AGPAT3: variants seen among roughly 807,000 people sequenced by gnomAD.
AGPAT3 encodes 1-acyl-sn-glycerol-3-phosphate acyltransferase gamma.
Under a neutral mutation model 47.3 loss-of-function variants are expected in AGPAT3, and 5 were observed. The observed-to-expected ratio is 0.11, with a 90% confidence interval of 0.06 to 0.22. The LOEUF is 0.22. Among genes scored for constraint, AGPAT3 ranks in the 10% least tolerant of loss-of-function variants. The pLI is 1.00. For missense variants in AGPAT3, 315 were observed against 493.0 expected, an observed-to-expected ratio of 0.64 and a Z score of 3.42; for synonymous variants, 212 against 208.3, an observed-to-expected ratio of 1.02 and a Z score of -0.15.
At chr21:43,913,190 G>A (rs1289518908) in intron 2 of AGPAT3, among the ~76,000 whole-genome samples, 1 of 152,166 alleles carries the variant, frequency 6.6e-6, no homozygotes, top group African/African-American at 2.4e-5. Flanking sequence ...TCATGTATGT[G>A]TTGACTTTTT....
chr21:43,917,184 C>G (rs779815698), intron 2 of AGPAT3, among the ~76,000 whole-genome samples: 5 of 151,734 alleles, frequency 3.3e-5, no homozygotes, highest in African/African-American at 4.8e-5. Context: ...CCCCGCCCCC[C>G]ACACACGTAC....
intron 2 of AGPAT3, among the ~76,000 whole-genome samples, chr21:43,918,159 G>GGGTGTT (rs1002038620): frequency 2.0e-5 from 3 of 147,824 alleles, no homozygotes; most frequent in African/African-American, 7.6e-5. Context: ...TGGGTGTTGT[G>GGGTGTT]GGAGTTGTGG....
At chr21:43,877,422 C>G (rs2085758302) in intron 1 of AGPAT3, among the ~76,000 whole-genome samples, 1 of 152,122 alleles carries the variant, frequency 6.6e-6, no homozygotes, top group African/African-American at 2.4e-5. Flanking sequence ...AAGGAAAAGA[C>G]TAGGAAGCAC....
At chr21:43,957,675 TC>T (rs1309518160) in intron 2 of AGPAT3, among the ~76,000 whole-genome samples, 1 of 140,448 alleles carries the variant, frequency 7.1e-6, no homozygotes, top group Non-Finnish European at 1.5e-5. Context: ...GTCTCGGGTT[TC>T]CCCCTCCACA....
intron 8 of AGPAT3, 82 bp downstream of exon 8, chr21:43,978,203 C>G: frequency 1.7e-6 from 2 of 1,180,016 alleles, no homozygotes; most frequent in Middle Eastern, 2.6e-4. Flanking sequence ...GCAGGTGACA[C>G]GTGGGAACTC....
Position 43,955,431 on chromosome 21 carries a change from G to A in AGPAT3, c.-48-4203G>A, listed in dbSNP as rs1490233408. On this transcript the variant is annotated intron_variant, in intron 2 of 9. Coordinates refer to ENST00000291572, the MANE Select transcript of AGPAT3 (RefSeq NM_020132.5). The surrounding 1 kb of genome is among the most constrained non-coding windows in gnomAD (Gnocchi z 4.1). ...CGTGTGTTATTTATTCCTGGATGAA[G>A]TTCTTTTCTTTTTTGAGATGGAGTT... is the stretch of plus-strand genomic sequence containing the variant. 6.6e-6 allele frequency among the ~76,000 whole-genome samples: 1 copy of A among 151,962 alleles called. No homozygotes were observed. Among genetic ancestry groups the A allele is most frequent in the Non-Finnish European group, 1.5e-5 (1 of 67,980 alleles).
intron 7 of AGPAT3, among the ~76,000 whole-genome samples, chr21:43,975,821 G>C (rs945646094): frequency 6.6e-6 from 1 of 152,270 alleles, no homozygotes; most frequent in East Asian, 1.9e-4. Context: ...GACAGTGCTC[G>C]GGGCAGCCCA....
chr21:43,926,665 T>TA (rs2087064729), intron 2 of AGPAT3, among the ~76,000 whole-genome samples: 1 of 65,898 alleles, frequency 1.5e-5, no homozygotes, highest in Non-Finnish European at 2.9e-5. Context: ...TTTTTTTTTT[T>TA]AATAAAAAGG....
chr21:43,980,498 T>G (rs1321341236), intron 8 of AGPAT3, among the ~76,000 whole-genome samples: 2 of 152,162 alleles, frequency 1.3e-5, no homozygotes, highest in Non-Finnish European at 1.5e-5. Flanking sequence ...TCCTCCCAGC[T>G]CCTCATTAGC....
intron 8 of AGPAT3, 130 bp downstream of exon 8, chr21:43,978,251 C>G: frequency 1.7e-6 from 1 of 603,768 alleles, no homozygotes; most frequent in Non-Finnish European, 2.9e-6. Flanking sequence ...CCTAAATACT[C>G]CTGATCCTTC....
intron 2 of AGPAT3, among the ~76,000 whole-genome samples, chr21:43,914,761 C>A (rs1010632592): frequency 2.0e-5 from 3 of 152,026 alleles, no homozygotes; most frequent in Admixed American, 1.3e-4. Flanking sequence ...AGGCTGGTTT[C>A]GAACTCCTGG....
chr21:43,904,349 A>G lies in AGPAT3; in HGVS notation c.-49+330A>G, dbSNP rs2086435638. On this transcript the variant is annotated intron_variant, in intron 2 of 9. Transcript: ENST00000291572. Reference sequence around the variant, plus strand: ...AGGCGCCTACCAGGGCACAGCGGACATGGGAGTCACCTCACAGGGCTGCCC... The same window carrying G: ...AGGCGCCTACCAGGGCACAGCGGACGTGGGAGTCACCTCACAGGGCTGCCC... 3.9e-5 allele frequency among the ~76,000 whole-genome samples: 6 copies of G among 152,204 alleles called. No individual in the cohort carries two copies. In the South Asian group the frequency reaches 1.0e-3, roughly 26 times the overall value.
chr21:43,975,153 T>C (rs1159717711), intron 7 of AGPAT3, among the ~76,000 whole-genome samples: 1 of 151,496 alleles, frequency 6.6e-6, no homozygotes, highest in Admixed American at 6.6e-5. Flanking sequence ...TGTGTCGAGG[T>C]GTGCTGGTGT....
chr21:43,941,391 G>A (rs567754253), intron 2 of AGPAT3, among the ~76,000 whole-genome samples: 2 of 152,200 alleles, frequency 1.3e-5, no homozygotes, highest in African/African-American at 4.8e-5. Flanking sequence ...ATGTAAAAAC[G>A]ATCAATACTA....
intron 1 of AGPAT3, among the ~76,000 whole-genome samples, chr21:43,877,612 T>G (rs1379549548): frequency 6.6e-6 from 1 of 152,148 alleles, no homozygotes; most frequent in Non-Finnish European, 1.5e-5. Context: ...CCTGCTATTT[T>G]TTTGTATTTT....
chr21:43,873,340 G>A (rs1195187567), intron 1 of AGPAT3, among the ~76,000 whole-genome samples: 1 of 152,226 alleles, frequency 6.6e-6, no homozygotes, highest in African/African-American at 2.4e-5. Flanking sequence ...GAAGGAGTGA[G>A]CCGCAGAAGT....
intron 7 of AGPAT3, 96 bp downstream of exon 7, chr21:43,971,586 G>A (rs541936000): frequency 7.0e-5 from 79 of 1,132,014 alleles, no homozygotes; most frequent in Middle Eastern, 4.5e-4. Context: ...CAGGCCCCAC[G>A]TCCCACAGCC....
At chr21:43,959,599 C>T in intron 2 of AGPAT3, 35 bp from the exon 3 acceptor site, 1 of 1,588,444 alleles carries the variant, frequency 6.3e-7, no homozygotes, top group Non-Finnish European at 8.6e-7. Flanking sequence ...GTGGGCGTGG[C>T]CACCCTGACG....
At chr21:43,974,630 A>G (rs1384490522) in intron 7 of AGPAT3, among the ~76,000 whole-genome samples, 1 of 148,722 alleles carries the variant, frequency 6.7e-6, no homozygotes, top group Non-Finnish European at 1.5e-5. Context: ...TATGTGTTTG[A>G]TATGTGTGGT....
Sources: allele counts gnomAD v4.1 joint callset (sites outside exome capture counted in the v4.1 genomes callset), GRCh38; gene constraint gnomAD v4.1.1; non-coding constraint Gnocchi (gnomAD v3.1); transcripts MANE v1.5; gene names NCBI Gene and HGNC (gene_info 2026-07-23, HGNC 2026-07-21).